SELENOI: variants seen among roughly 807,000 people sequenced by gnomAD.
The protein encoded by SELENOI is selenoprotein I.
In SELENOI, 24 loss-of-function variants were observed where a neutral mutation model predicts 50.7. That is an observed-to-expected ratio of 0.47 (90% confidence interval 0.34 to 0.67). The LOEUF is 0.67. Among genes scored for constraint, SELENOI ranks in the 30% least tolerant of loss-of-function variants. The pLI is 0.01. For synonymous variants in SELENOI, 155 were observed against 170.2 expected (o/e 0.91, Z 0.70); for missense variants, 352 against 461.4 (o/e 0.76, Z 2.17).
intron 1 of SELENOI, among the ~76,000 whole-genome samples, chr2:26,348,691 CTTT>C (rs75143515): frequency 6.9e-6 from 1 of 144,556 alleles, no homozygotes; most frequent in Non-Finnish European, 1.5e-5. Context: ...CTATGGCTGA[CTTT>C]TTTTTTTTTT....
chr2:26,371,496 A>G (rs1677445392), intron 4 of SELENOI, among the ~76,000 whole-genome samples: 1 of 152,106 alleles, frequency 6.6e-6, no homozygotes, highest in Admixed American at 6.5e-5. Flanking sequence ...GCACTTTGGG[A>G]GGCCAAGGCA....
rs575413270 is a variant in SELENOI at position 26,364,164 on chromosome 2, G to C, written c.58-138G>C. 118 of 576,164 alleles carry C rather than the reference G, an allele frequency of 2.0e-4. No individual in the cohort carries two copies. The African/African-American group carries it at 2.2e-3, about 11-fold the overall frequency. The allele number at this position is 576,164 out of a possible 1,614,324, so 35.7% of individuals were successfully genotyped here. On this transcript the variant is annotated intron_variant, in intron 1 of 9. Coordinates refer to ENST00000260585, the MANE Select transcript of SELENOI (RefSeq NM_033505.4). ...ATTCCTGGGCTCAAGTGATCCTCAG[G>C]CCTCAGCCTTTTGAGTAGCTGGGTT...
chr2:26,346,568 T>A (rs1029302213), intron 1 of SELENOI: 18 of 317,262 alleles, frequency 5.7e-5, no homozygotes, highest in African/African-American at 2.6e-4. Flanking sequence ...CTATTTTTTT[T>A]AAACTTATTA....
intron 1 of SELENOI, among the ~76,000 whole-genome samples, chr2:26,351,123 A>G (rs1676951192): frequency 6.8e-6 from 1 of 148,122 alleles, no homozygotes; most frequent in Non-Finnish European, 1.5e-5. Context: ...CAGAGGTACA[A>G]TCTCGGCTCA....
chr2:26,346,359 G>T, intron 1 of SELENOI, 70 bp downstream of exon 1: 1 of 1,512,418 alleles, frequency 6.6e-7, no homozygotes, highest in South Asian at 1.2e-5. Flanking sequence ...GGCCCGCGCG[G>T]CGCGGTCCGT....
At chr2:26,374,859 C>G (rs969325548) in intron 5 of SELENOI, among the ~76,000 whole-genome samples, 181 bp from the exon 6 acceptor site, 1 of 152,126 alleles carries the variant, frequency 6.6e-6, no homozygotes, top group Non-Finnish European at 1.5e-5. Flanking sequence ...CATGAGCCCC[C>G]ACGTCCAGCC....
intron 3 of SELENOI, among the ~76,000 whole-genome samples, chr2:26,366,538 A>G (rs1487381939): frequency 4.7e-4 from 72 of 152,178 alleles, no homozygotes; most frequent in Admixed American, 4.7e-3. Flanking sequence ...GGAAAATACA[A>G]GATGGGAGAG....
chr2:26,359,264 CA>C (rs1270480848), intron 1 of SELENOI, among the ~76,000 whole-genome samples: 3 of 151,920 alleles, frequency 2.0e-5, no homozygotes, highest in Non-Finnish European at 4.4e-5. Context: ...GAAACCATGG[CA>C]AAAAGGAGTA....
chr2:26,366,766 G>A (rs1041300473), intron 3 of SELENOI, among the ~76,000 whole-genome samples: 1 of 152,126 alleles, frequency 6.6e-6, no homozygotes, highest in African/African-American at 2.4e-5. Context: ...GAAAGGATAA[G>A]GTGAAGGCTC....
chr2:26,358,064 G>T (rs1335000562), intron 1 of SELENOI, among the ~76,000 whole-genome samples: 1 of 152,074 alleles, frequency 6.6e-6, no homozygotes, highest in Admixed American at 6.6e-5. Context: ...GGCCTCCTCA[G>T]CCACATGGAA....
At chr2:26,366,238 A>G (rs1325635000) in intron 3 of SELENOI, among the ~76,000 whole-genome samples, 1 of 152,220 alleles carries the variant, frequency 6.6e-6, no homozygotes, top group Non-Finnish European at 1.5e-5. Flanking sequence ...AAGCATGAGA[A>G]GATCATAAAG....
chr2:26,387,714 GAAAA>G (rs1677877200), intron 9 of SELENOI, among the ~76,000 whole-genome samples: 28 of 131,364 alleles, frequency 2.1e-4, no homozygotes, highest in African/African-American at 5.9e-4. Context: ...AAAAAAAAAA[GAAAA>G]AGAAAGAAAA....
intron 1 of SELENOI, among the ~76,000 whole-genome samples, chr2:26,356,064 G>C (rs1677057842): frequency 6.6e-6 from 1 of 152,184 alleles, no homozygotes; most frequent in South Asian, 2.1e-4. Context: ...CTGGCCTCAA[G>C]TCTTGTATTG....
intron 1 of SELENOI, among the ~76,000 whole-genome samples, chr2:26,359,981 C>T (rs1677141409): frequency 6.6e-6 from 1 of 152,174 alleles, no homozygotes; most frequent in Non-Finnish European, 1.5e-5. Context: ...GTTTTGAGGG[C>T]TCTAGCTTAC....
intron 5 of SELENOI, among the ~76,000 whole-genome samples, chr2:26,373,909 G>A (rs767885477): frequency 4.6e-5 from 7 of 152,064 alleles, no homozygotes; most frequent in Admixed American, 1.3e-4. Flanking sequence ...CCACTATCAC[G>A]CCTGGCTAAT....
chr2:26,370,791 C>T (rs1356591333), intron 4 of SELENOI, among the ~76,000 whole-genome samples: 3 of 140,170 alleles, frequency 2.1e-5, no homozygotes, highest in African/African-American at 7.8e-5. Context: ...GGCAGAGGGG[C>T]TCCTCACCTC....
chr2:26,381,228 T>TTTTTTA (rs1491062460), intron 6 of SELENOI, among the ~76,000 whole-genome samples: 1 of 105,126 alleles, frequency 9.5e-6, no homozygotes, highest in African/African-American at 3.2e-5. Context: ...TTTTTTTTTT[T>TTTTTTA]TACAAATTCT....
At chr2:26,354,784 G>A (rs927668393) in intron 1 of SELENOI, among the ~76,000 whole-genome samples, 1 of 152,108 alleles carries the variant, frequency 6.6e-6, no homozygotes, top group Non-Finnish European at 1.5e-5. Context: ...ACGCAGATGG[G>A]GAAAATGTAG....
At chr2:26,370,281 A>G (rs1677387306) in intron 4 of SELENOI, among the ~76,000 whole-genome samples, 1 of 151,738 alleles carries the variant, frequency 6.6e-6, no homozygotes, top group Admixed American at 6.6e-5. Flanking sequence ...CACGGCAACC[A>G]TCCGATTTCT....
Sources: gnomAD v4.1 joint callset for allele counts (sites outside exome capture counted in the v4.1 genomes callset) on GRCh38, gnomAD v4.1.1 for gene constraint, MANE v1.5 for transcripts, NCBI Gene and HGNC (gene_info 2026-07-23, HGNC 2026-07-21) for gene names.